PXDNL: variants seen among roughly 807,000 people sequenced by gnomAD.
PXDNL encodes the protein probable oxidoreductase PXDNL.
A neutral mutation model predicts 150.8 loss-of-function variants in PXDNL; 145 were observed. That is an observed-to-expected ratio of 0.96 (90% CI 0.84 to 1.10). PXDNL has a LOEUF of 1.10. PXDNL is among the 50% of genes least tolerant of loss of function. PXDNL has a pLI of 0.00. For missense variants in PXDNL, 2,087 were observed against 1,873.9 expected (o/e 1.11, Z -2.10); for synonymous variants, 757 against 725.7 (o/e 1.04, Z -0.69).
intron 1 of PXDNL, among the ~76,000 whole-genome samples, chr8:51,685,568 C>T (rs1398371677): frequency 1.3e-5 from 2 of 152,228 alleles, no homozygotes; most frequent in Non-Finnish European, 2.9e-5. Context: ...GGGCTAATAT[C>T]ATTTTCTCCA....
At chr8:51,463,853 A>C (rs1179922027) in intron 8 of PXDNL, among the ~76,000 whole-genome samples, 2 of 152,172 alleles carry the variant, frequency 1.3e-5, no homozygotes, top group Non-Finnish European at 2.9e-5. Context: ...TTTTGGGTAA[A>C]CAACAAAATT....
At chr8:51,744,106 G>GAA (rs1253833004) in intron 1 of PXDNL, among the ~76,000 whole-genome samples, 1 of 127,806 alleles carries the variant, frequency 7.8e-6, no homozygotes, top group Non-Finnish European at 1.6e-5. Flanking sequence ...AAGAAAGAAA[G>GAA]AAAGAAAGAA....
intron 1 of PXDNL, among the ~76,000 whole-genome samples, chr8:51,751,748 C>T (rs973025453): frequency 1.3e-5 from 2 of 152,172 alleles, no homozygotes; most frequent in African/African-American, 4.8e-5. Flanking sequence ...CTGACTTCCT[C>T]ATAATTCTAC....
In PXDNL at chr8:51,324,681, T is replaced by A. The variant is rs529814435; in HGVS notation, c.4147-3784A>T. Among the ~76,000 whole-genome samples, 9 of 152,370 alleles carry A rather than the reference T, an allele frequency of 5.9e-5. No homozygotes were observed. The South Asian group carries it at 1.2e-3, about 21-fold the overall frequency. On this transcript the variant is annotated intron_variant, in intron 21 of 22. Coordinates refer to ENST00000356297, the MANE Select transcript of PXDNL (RefSeq NM_144651.5). Reference sequence around the variant, plus strand: ...GCTAGTCTTCTATCTTCCAGTTCACTGATTCTTTCCCCTCTGATCCATATT... The same window carrying A: ...GCTAGTCTTCTATCTTCCAGTTCACAGATTCTTTCCCCTCTGATCCATATT...
At chr8:51,328,746 G>A (rs911288052) in intron 21 of PXDNL, among the ~76,000 whole-genome samples, 5 of 152,162 alleles carry the variant, frequency 3.3e-5, no homozygotes, top group Non-Finnish European at 7.3e-5. Flanking sequence ...TCTTAGTGAG[G>A]TAAGGTATTC....
At chr8:51,638,661 T>C (rs1269632173) in intron 2 of PXDNL, among the ~76,000 whole-genome samples, 3 of 152,058 alleles carry the variant, frequency 2.0e-5, no homozygotes, top group African/African-American at 4.8e-5. Flanking sequence ...CTATCCTAAA[T>C]ATATATGCAC....
chr8:51,623,171 C>A (rs1326647486), intron 2 of PXDNL, among the ~76,000 whole-genome samples: 1 of 152,192 alleles, frequency 6.6e-6, no homozygotes, highest in Non-Finnish European at 1.5e-5. Context: ...GCTACAGCCC[C>A]TAAGACAAAA....
intron 19 of PXDNL, among the ~76,000 whole-genome samples, chr8:51,367,982 G>C (rs942878726): frequency 9.2e-5 from 14 of 152,046 alleles, no homozygotes; most frequent in African/African-American, 3.4e-4. Flanking sequence ...ACAAAAATTA[G>C]CCAGGTCTGA....
At chr8:51,357,332 G>A (rs886177912) in intron 19 of PXDNL, among the ~76,000 whole-genome samples, 4 of 152,276 alleles carry the variant, frequency 2.6e-5, no homozygotes, top group South Asian at 2.1e-4. Flanking sequence ...GGACTGCCTC[G>A]CCTCTGCCAT....
rs1041193865 is a variant in PXDNL, at chr8:51,591,501, T to C, written c.308+1126A>G. 7.2e-5 allele frequency among the ~76,000 whole-genome samples: 11 copies of C among 152,190 alleles called. 1 individual carries two copies. Among genetic ancestry groups the C allele is most frequent in the African/African-American group, 2.2e-4 (9 of 41,438 alleles). ...CGGGAGATACTACAGTTGTATAAAT[T>C]TGGTCAGAGCTAAAGATTGGAATGG... On this transcript the variant is annotated intron_variant, in intron 3 of 22. Coordinates refer to ENST00000356297, the MANE Select transcript of PXDNL (RefSeq NM_144651.5).
intron 1 of PXDNL, among the ~76,000 whole-genome samples, chr8:51,803,987 T>C (rs2037649685): frequency 6.6e-6 from 1 of 152,030 alleles, no homozygotes; most frequent in Non-Finnish European, 1.5e-5. Context: ...CCAAGACAGG[T>C]CTCAGTTAAT....
At chr8:51,340,016 T>A in intron 20 of PXDNL, 1 of 280,532 alleles carries the variant, frequency 3.6e-6, no homozygotes, top group South Asian at 6.4e-5. Flanking sequence ...TAAAGGAAAT[T>A]TCATGTTGTA....
intron 17 of PXDNL, among the ~76,000 whole-genome samples, chr8:51,401,215 G>C (rs1474884865): frequency 6.6e-6 from 1 of 152,132 alleles, no homozygotes; most frequent in East Asian, 1.9e-4. Flanking sequence ...CAAACAACAG[G>C]ACTTGGTCTA....
chr8:51,522,858 A>C (rs1811690792), intron 4 of PXDNL, among the ~76,000 whole-genome samples: 1 of 151,394 alleles, frequency 6.6e-6, no homozygotes, highest in African/African-American at 2.5e-5. Flanking sequence ...CAAAAACAAA[A>C]ACAAAAAACA....
At chr8:51,540,610 A>G (rs1244321039) in intron 4 of PXDNL, among the ~76,000 whole-genome samples, 1 of 152,116 alleles carries the variant, frequency 6.6e-6, no homozygotes, top group African/African-American at 2.4e-5. Flanking sequence ...AAATTTATTG[A>G]GCTTTATTAT....
In PXDNL at chr8:51,678,113, T is replaced by G. The variant is rs531185185; in HGVS notation, c.165-23353A>C. On this transcript the variant is annotated intron_variant, in intron 1 of 22. Transcript: ENST00000356297. Reference sequence around the variant, plus strand: ...AAGAAGGATATCTTTGGATCTCCATTGTGGCATAAAACATTATTCTTGAAG... The same window carrying G: ...AAGAAGGATATCTTTGGATCTCCATGGTGGCATAAAACATTATTCTTGAAG... Among the ~76,000 whole-genome samples the G allele has an allele frequency of 3.9e-5, 6 of 152,328 alleles. No homozygotes were observed. The East Asian group carries it at 1.2e-3, about 29-fold the overall frequency.
At chr8:51,347,332 A>G (rs1016932994) in intron 19 of PXDNL, among the ~76,000 whole-genome samples, 10 of 152,216 alleles carry the variant, frequency 6.6e-5, no homozygotes, top group African/African-American at 2.2e-4. Flanking sequence ...ATTTAGGATG[A>G]TTTTTAAAAT....
In PXDNL at chr8:51,413,252, T is replaced by C; in HGVS notation, c.1802A>G (p.Gln601Arg). 1 of 1,596,010 alleles carries C rather than the reference T, an allele frequency of 6.3e-7. No homozygotes were observed. Among genetic ancestry groups the C allele is most frequent in the South Asian group, 1.1e-5 (1 of 90,320 alleles). Residue 601 changes from glutamine to arginine, a missense_variant, in exon 15 of 23, where the codon CAG becomes CGG. Physicochemically the swap from Gln to Arg is conservative, Grantham distance 43. Coordinates refer to ENST00000356297, the MANE Select transcript of PXDNL (RefSeq NM_144651.5). ...AAAGTCATCGCCAGCTTGTCTACCC[T>C]GTATAGCTTTGAAAATCAATTCCAT... ...TNMFLTVTAI[Q>R]GRQAGDDFVE... is the part of the protein sequence containing the mutation.
At chr8:51,367,746 G>A (rs1211297682) in intron 19 of PXDNL, among the ~76,000 whole-genome samples, 1 of 152,124 alleles carries the variant, frequency 6.6e-6, no homozygotes, top group Non-Finnish European at 1.5e-5. Flanking sequence ...GCACGACAAT[G>A]GATTTAGTTA....
Sources: allele counts gnomAD v4.1 joint callset (sites outside exome capture counted in the v4.1 genomes callset), GRCh38; gene constraint gnomAD v4.1.1; transcripts MANE v1.5; gene names NCBI Gene and HGNC (gene_info 2026-07-23, HGNC 2026-07-21).